The following GSK3B variants were observed in gnomAD, a reference collection of about 807,000 sequenced individuals.
The protein encoded by GSK3B is glycogen synthase kinase-3 beta.
GSK3B carries 15 observed loss-of-function variants against 56.4 expected under a neutral mutation model. That is an observed-to-expected ratio of 0.27 (90% CI 0.18 to 0.41). The LOEUF (loss-of-function observed/expected upper bound fraction) is 0.41, where lower values mean the gene tolerates loss of function less well. Ranked by LOEUF, GSK3B falls within the 10% of genes least tolerant of loss-of-function variation. GSK3B has a pLI of 1.00. For synonymous variants in GSK3B, 181 were observed against 188.9 expected (o/e 0.96, Z 0.34); for missense variants, 300 against 513.4 (o/e 0.58, Z 4.02).
chr3:119,962,940 G>C (rs1231080235), intron 2 of GSK3B, among the ~76,000 whole-genome samples: 1 of 152,170 alleles, frequency 6.6e-6, no homozygotes, highest in East Asian at 1.9e-4. Context: ...GTGGAGCTCA[G>C]GCAGTAATGC....
chr3:119,890,984 A>G (rs1342514919), intron 7 of GSK3B, among the ~76,000 whole-genome samples: 1 of 152,088 alleles, frequency 6.6e-6, no homozygotes, highest in Non-Finnish European at 1.5e-5. Context: ...TCACATTTCA[A>G]AACGTTTACT....
At chr3:119,869,245 A>AAAAAACC (rs1455323431) in intron 8 of GSK3B, among the ~76,000 whole-genome samples, 1 of 149,460 alleles carries the variant, frequency 6.7e-6, no homozygotes, top group African/African-American at 2.5e-5. Context: ...AAAAAAAAAA[A>AAAAAACC]ACATATATTC....
chr3:119,989,563 T>C (rs1215942858), intron 2 of GSK3B, among the ~76,000 whole-genome samples: 1 of 151,336 alleles, frequency 6.6e-6, no homozygotes, highest in Non-Finnish European at 1.5e-5. Context: ...GAGAACTGCT[T>C]GAACCTGGGA....
chr3:120,078,545 C>CT (rs66489313), intron 1 of GSK3B, among the ~76,000 whole-genome samples: 2,774 of 140,600 alleles, frequency 0.02, 71 homozygotes, highest in African/African-American at 0.061. Context: ...AACTTCTCCT[C>CT]TTTTTTTTTT....
At chr3:119,950,556 G>T (rs1451413746) in intron 2 of GSK3B, among the ~76,000 whole-genome samples, 2 of 152,160 alleles carry the variant, frequency 1.3e-5, no homozygotes, top group African/African-American at 4.8e-5. Context: ...GTAGAACAAT[G>T]GTGAAAAAAA....
At chr3:119,992,271 C>T (rs2057572817) in intron 2 of GSK3B, among the ~76,000 whole-genome samples, 1 of 151,984 alleles carries the variant, frequency 6.6e-6, no homozygotes, top group Non-Finnish European at 1.5e-5. Context: ...AATATGCAAA[C>T]AGCTTAGTGG....
At chr3:119,967,223 G>A (rs563943589) in intron 2 of GSK3B, among the ~76,000 whole-genome samples, 3 of 152,098 alleles carry the variant, frequency 2.0e-5, no homozygotes, top group Non-Finnish European at 4.4e-5. Context: ...GACTACAGGC[G>A]TGTGCCACCA....
chr3:119,907,889 C>T (rs1443219131), intron 6 of GSK3B, among the ~76,000 whole-genome samples: 1 of 152,162 alleles, frequency 6.6e-6, no homozygotes, highest in Non-Finnish European at 1.5e-5. Context: ...ACAGCTTCTT[C>T]AAGGGTCTGT....
intron 2 of GSK3B, among the ~76,000 whole-genome samples, chr3:119,994,581 CATT>C (rs2057597236): frequency 6.6e-6 from 1 of 152,052 alleles, no homozygotes; most frequent in African/African-American, 2.4e-5. Flanking sequence ...TGAATATCAT[CATT>C]AACTAGACAG....
At position 120,094,261 on chromosome 3, in the gene GSK3B, C is replaced by A; in HGVS notation, c.-827G>T. The A allele has an allele frequency of 4.4e-6, 1 of 225,230 alleles. No individual in the cohort carries two copies. Among genetic ancestry groups the A allele is most frequent in the South Asian group, 1.3e-4 (1 of 7,746 alleles). The allele number at this position is 225,230 out of a possible 1,614,324, so 14.0% of individuals were successfully genotyped here. On this transcript the variant is annotated 5_prime_UTR_variant, in exon 1 of 11. Transcript: ENST00000264235. Reference sequence around the variant, plus strand: ...CGCGGCAACAGCTCGGCCGCCCTCCCGCCCCTCGGCTCTGCTCGGTGCCCG... The same window carrying A: ...CGCGGCAACAGCTCGGCCGCCCTCCAGCCCCTCGGCTCTGCTCGGTGCCCG...
At chr3:120,026,756 C>A (rs1401005321) in intron 1 of GSK3B, among the ~76,000 whole-genome samples, 1 of 151,634 alleles carries the variant, frequency 6.6e-6, no homozygotes, top group Non-Finnish European at 1.5e-5. Context: ...CGGGCCTTCA[C>A]CATGTTAGTC....
At chr3:119,915,098 G>A (rs1453719302) in intron 5 of GSK3B, among the ~76,000 whole-genome samples, 1 of 152,060 alleles carries the variant, frequency 6.6e-6, no homozygotes, top group Non-Finnish European at 1.5e-5. Flanking sequence ...GGTTAGATCA[G>A]AGAGGCACAA....
intron 3 of GSK3B, among the ~76,000 whole-genome samples, chr3:119,926,459 G>A (rs2056890455): frequency 1.3e-5 from 2 of 152,102 alleles, no homozygotes; most frequent in South Asian, 4.2e-4. Flanking sequence ...TTCACTGGTA[G>A]AACCCTCGTC....
chr3:119,836,532 A>G (rs2055693044), intron 10 of GSK3B, among the ~76,000 whole-genome samples: 2 of 152,242 alleles, frequency 1.3e-5, no homozygotes. Context: ...CACAGCTTAC[A>G]GATATTTAGG....
chr3:119,983,735 T>C (rs966751092), intron 2 of GSK3B, among the ~76,000 whole-genome samples: 3 of 152,172 alleles, frequency 2.0e-5, no homozygotes, highest in Non-Finnish European at 4.4e-5. Flanking sequence ...ACAAAGAGAC[T>C]TAGACTCCTA....
chr3:119,908,451 C>A (rs1306544355), intron 6 of GSK3B, among the ~76,000 whole-genome samples: 1 of 152,166 alleles, frequency 6.6e-6, no homozygotes, highest in African/African-American at 2.4e-5. Context: ...CCTTTCATTT[C>A]TACAGTATTT....
intron 1 of GSK3B, among the ~76,000 whole-genome samples, chr3:120,005,060 AAC>A (rs1192342951): frequency 2.0e-5 from 3 of 152,026 alleles, no homozygotes; most frequent in Admixed American, 6.6e-5. Context: ...AACTAGAATA[AAC>A]AGTGTAGAGA....
intron 1 of GSK3B, among the ~76,000 whole-genome samples, chr3:120,007,499 A>G (rs2057739791): frequency 6.6e-6 from 1 of 152,190 alleles, no homozygotes; most frequent in South Asian, 2.1e-4. Context: ...CCTGATGAAC[A>G]CTGATGCGAA....
rs2107509817 is a variant in GSK3B at position 120,021,328 on chromosome 3, A to AC, written c.89-19090dup. On this transcript the variant is annotated intron_variant, in intron 1 of 10. Transcript: ENST00000264235. ...AGACCAGCCTGGCCAAGATGGTGAA[A>AC]CCCCGTCTCTACTAAAAATACAAAA... Among the ~76,000 whole-genome samples the AC allele has an allele frequency of 2.1e-5, 3 of 145,622 alleles. No homozygotes were observed. The East Asian group carries it at 6.0e-4, about 29-fold the overall frequency.
Sources: allele counts gnomAD v4.1 joint callset (sites outside exome capture counted in the v4.1 genomes callset), GRCh38; gene constraint gnomAD v4.1.1; transcripts MANE v1.5; gene names NCBI Gene and HGNC (gene_info 2026-07-23, HGNC 2026-07-21).